Variants in ZNRF3 observed in about 807,000 individuals in gnomAD.
The protein encoded by ZNRF3 is E3 ubiquitin-protein ligase ZNRF3.
Under a neutral mutation model 72.5 loss-of-function variants are expected in ZNRF3, and 23 were observed. The observed-to-expected ratio is 0.32, with a 90% CI of 0.23 to 0.45. ZNRF3 has a LOEUF of 0.45. Ranked by LOEUF, ZNRF3 falls within the 20% of genes least tolerant of loss-of-function variation. The pLI is 1.00. For missense variants in ZNRF3, 1,169 were observed against 1,272.1 expected (o/e 0.92, Z 1.23); for synonymous variants, 610 against 545.3 (o/e 1.12, Z -1.65).
At position 29,050,731 on chromosome 22, in the gene ZNRF3, C is replaced by T. The variant is rs1235310607; in HGVS notation, c.2550C>T (p.His850=). ...TGCCCTCGGACTGCCAAGGGACCCA[C>T]AGCCTCGGCTCCTGGGGTGGGACGC... The part of the protein sequence containing the change: ...LGLPSDCQGT[H]SLGSWGGTRG... Residue 850 remains histidine, a synonymous_variant, in exon 8 of 9, where the codon CAC becomes CAT. Coordinates refer to ENST00000544604, the MANE Select transcript of ZNRF3 (RefSeq NM_001206998.2). 1 of 1,610,658 alleles carries T rather than the reference C, an allele frequency of 6.2e-7. No individual in the cohort carries two copies. The highest frequency in any genetic ancestry group is 1.7e-5 in the Admixed American group (1 of 59,758).
At chr22:28,959,236 C>T (rs879629136) in intron 1 of ZNRF3, among the ~76,000 whole-genome samples, 2 of 152,214 alleles carry the variant, frequency 1.3e-5, no homozygotes, top group African/African-American at 2.4e-5. Flanking sequence ...GAAGTGTCCC[C>T]TTAGCTGTGG....
At chr22:29,004,930 G>A (rs1246220707) in intron 2 of ZNRF3, among the ~76,000 whole-genome samples, 2 of 152,230 alleles carry the variant, frequency 1.3e-5, no homozygotes, top group Admixed American at 1.3e-4. Context: ...AACCTGCTCG[G>A]CTTCATTGGC....
chr22:28,932,206 G>A (rs2034719606), intron 1 of ZNRF3, among the ~76,000 whole-genome samples: 1 of 152,200 alleles, frequency 6.6e-6, no homozygotes, highest in Admixed American at 6.5e-5. Flanking sequence ...ATAAGTGGGA[G>A]GTGGAAGAGC....
rs542675642 is a variant in ZNRF3 at position 28,915,130 on chromosome 22, A to G, written c.300+31064A>G. 3.3e-5 allele frequency among the ~76,000 whole-genome samples: 5 copies of G among 152,356 alleles called. No individual in the cohort carries two copies. In the East Asian group the frequency reaches 7.7e-4, roughly 23 times the overall value. Reference sequence around the variant, plus strand: ...GTATATTAAGTATCCTTTGGTTGCTATAACAAAGTACCACTGGCTAGGTGG... The same window carrying G: ...GTATATTAAGTATCCTTTGGTTGCTGTAACAAAGTACCACTGGCTAGGTGG... On this transcript the variant is annotated intron_variant, in intron 1 of 8. Coordinates refer to ENST00000544604, the MANE Select transcript of ZNRF3 (RefSeq NM_001206998.2).
At chr22:28,952,086 C>G (rs923003936) in intron 1 of ZNRF3, among the ~76,000 whole-genome samples, 1 of 152,176 alleles carries the variant, frequency 6.6e-6, no homozygotes, top group Admixed American at 6.5e-5. Context: ...CCCAGCTGAC[C>G]GCTGGTTTGC....
chr22:28,999,556 G>A (rs190868250), intron 2 of ZNRF3, among the ~76,000 whole-genome samples: 57 of 152,298 alleles, frequency 3.7e-4, no homozygotes, highest in African/African-American at 1.3e-3. Flanking sequence ...GGGTCAGTTG[G>A]CCAGAATCTC....
In ZNRF3 at chr22:29,050,557, A is replaced by AGG; in HGVS notation, c.2380_2381dup (p.Ser795AlafsTer11). 6.2e-7 allele frequency: 1 copy of AGG among 1,609,740 alleles called. No individual in the cohort carries two copies. Among genetic ancestry groups the AGG allele is most frequent in the Non-Finnish European group, 8.5e-7 (1 of 1,178,476 alleles). ...AGAAGCAGGTGGCCCGCGGGGGCGG[A>AGG]GGGGGCAGCGGCTGCTACACTGAGG... On this transcript the variant is annotated frameshift_variant, in exon 8 of 9. Transcript: ENST00000544604. LOFTEE classifies it high-confidence loss of function.
intron 1 of ZNRF3, among the ~76,000 whole-genome samples, chr22:28,884,501 G>T (rs910574725): frequency 6.6e-6 from 1 of 152,222 alleles, no homozygotes; most frequent in African/African-American, 2.4e-5. Flanking sequence ...GGTGCGGCCA[G>T]GTTTGTCTGA....
At chr22:28,893,379 T>A (rs1449649104) in intron 1 of ZNRF3, among the ~76,000 whole-genome samples, 1 of 152,204 alleles carries the variant, frequency 6.6e-6, no homozygotes, top group Non-Finnish European at 1.5e-5. Context: ...ACCCGTGGTA[T>A]AATTTGTGCT....
At chr22:28,939,911 G>C (rs2034911436) in intron 1 of ZNRF3, among the ~76,000 whole-genome samples, 1 of 151,974 alleles carries the variant, frequency 6.6e-6, no homozygotes, top group Non-Finnish European at 1.5e-5. Flanking sequence ...ACATAGAAGG[G>C]CCATTGAGCA....
intron 2 of ZNRF3, among the ~76,000 whole-genome samples, chr22:29,029,651 T>G (rs2036708489): frequency 6.6e-6 from 1 of 152,254 alleles, no homozygotes; most frequent in South Asian, 2.1e-4. Context: ...TTTATCTATA[T>G]AGATCAAATC....
At chr22:28,891,839 A>G (rs2033894498) in intron 1 of ZNRF3, among the ~76,000 whole-genome samples, 1 of 152,186 alleles carries the variant, frequency 6.6e-6, no homozygotes, top group Non-Finnish European at 1.5e-5. Flanking sequence ...CTTTTTTTAA[A>G]TCACAAAAGT....
At chr22:28,940,963 C>T (rs995036159) in intron 1 of ZNRF3, among the ~76,000 whole-genome samples, 26 of 152,148 alleles carry the variant, frequency 1.7e-4, no homozygotes, top group African/African-American at 6.0e-4. Context: ...CTCCTGATTC[C>T]CTTTTTTTTT....
intron 2 of ZNRF3, chr22:29,018,069 T>TAGTGTGGGAGGGG (rs2036467755): frequency 1.9e-6 from 1 of 518,404 alleles, no homozygotes; most frequent in African/African-American, 1.9e-5. Flanking sequence ...GGAGGGCAGA[T>TAGTGTGGGAGGGG]AGTGTGGGAG....
At chr22:28,962,704 C>T (rs1394736482) in intron 1 of ZNRF3, among the ~76,000 whole-genome samples, 4 of 152,190 alleles carry the variant, frequency 2.6e-5, no homozygotes, top group African/African-American at 9.7e-5. Flanking sequence ...CAGGGGAGGA[C>T]AGCTGCAGCC....
chr22:28,907,279 C>T (rs1488765715), intron 1 of ZNRF3, among the ~76,000 whole-genome samples: 1 of 152,108 alleles, frequency 6.6e-6, no homozygotes, highest in Non-Finnish European at 1.5e-5. Context: ...AGGCATGAGC[C>T]ACCGTGCCTG....
intron 1 of ZNRF3, among the ~76,000 whole-genome samples, chr22:28,957,068 A>G (rs2035274778): frequency 6.6e-6 from 1 of 152,226 alleles, no homozygotes; most frequent in Admixed American, 6.5e-5. Context: ...GGCTGTCTCC[A>G]TTTGGAAGTA....
At chr22:28,935,677 A>G (rs996919880) in intron 1 of ZNRF3, among the ~76,000 whole-genome samples, 4 of 152,092 alleles carry the variant, frequency 2.6e-5, no homozygotes, top group Admixed American at 1.3e-4. Context: ...ATCTCCTCTT[A>G]GATTTGTTCA....
intron 1 of ZNRF3, among the ~76,000 whole-genome samples, chr22:28,982,656 T>C (rs1289792939): frequency 6.6e-6 from 1 of 151,636 alleles, no homozygotes; most frequent in Non-Finnish European, 1.5e-5. Flanking sequence ...GCAAATGAAA[T>C]GGTATGTTCA....
Sources: gnomAD v4.1 joint callset for allele counts (sites outside exome capture counted in the v4.1 genomes callset) on GRCh38, gnomAD v4.1.1 for gene constraint, MANE v1.5 for transcripts, NCBI Gene and HGNC (gene_info 2026-07-23, HGNC 2026-07-21) for gene names.